The following FMN1 variants were observed in gnomAD, a reference collection of about 807,000 sequenced individuals.
The protein encoded by FMN1 is formin-1.
In FMN1, 110 loss-of-function variants were observed where a neutral mutation model predicts 132.4. The ratio of observed to expected loss-of-function variants is 0.83; its 90% CI spans 0.71 to 0.97. The LOEUF (loss-of-function observed/expected upper bound fraction) is 0.97, where lower values mean the gene tolerates loss of function less well. FMN1 is among the 50% of genes least tolerant of loss of function. The pLI is 0.00. For synonymous variants in FMN1, 722 were observed against 651.7 expected (o/e 1.11, Z -1.64); for missense variants, 1,792 against 1,705.3 (o/e 1.05, Z -0.90).
chr15:32,807,410 G>C (rs928171673), intron 17 of FMN1, among the ~76,000 whole-genome samples: 9 of 152,170 alleles, frequency 5.9e-5, no homozygotes, highest in South Asian at 4.1e-4. Context: ...AATGACCTGT[G>C]TCTCTCCTAG....
At chr15:33,023,182 A>G (rs1396976622) in intron 6 of FMN1, among the ~76,000 whole-genome samples, 2 of 151,648 alleles carry the variant, frequency 1.3e-5, no homozygotes, top group Non-Finnish European at 2.9e-5. Flanking sequence ...ACGCTATTAT[A>G]AGAGCGACTT....
chr15:32,850,079 C>T (rs903003061), intron 17 of FMN1, among the ~76,000 whole-genome samples: 2 of 152,194 alleles, frequency 1.3e-5, no homozygotes, highest in Non-Finnish European at 2.9e-5. Context: ...TCGGTATTTT[C>T]TTGAGTAGCA....
At chr15:33,107,048 T>C (rs2039514891) in intron 4 of FMN1, among the ~76,000 whole-genome samples, 2 of 152,092 alleles carry the variant, frequency 1.3e-5, no homozygotes, top group Non-Finnish European at 2.9e-5. Flanking sequence ...CCAAACTCTT[T>C]ATTTTCCTTC....
intron 8 of FMN1, among the ~76,000 whole-genome samples, chr15:32,966,934 G>A (rs1183781247): frequency 6.6e-6 from 1 of 152,130 alleles, no homozygotes; most frequent in African/African-American, 2.4e-5. Context: ...CAAAAAGTTG[G>A]AGGGACCCAT....
At chr15:33,188,431 C>T (rs1393585733) in intron 2 of FMN1, among the ~76,000 whole-genome samples, 1 of 152,090 alleles carries the variant, frequency 6.6e-6, no homozygotes, top group Non-Finnish European at 1.5e-5. Flanking sequence ...CCATGTCATA[C>T]CTTTCTATAC....
chr15:33,082,460 CT>C (rs983796047), intron 5 of FMN1, among the ~76,000 whole-genome samples: 1 of 152,130 alleles, frequency 6.6e-6, no homozygotes, highest in Admixed American at 6.6e-5. Flanking sequence ...GGCCATACCT[CT>C]TTTTAGGGTC....
intron 6 of FMN1, among the ~76,000 whole-genome samples, chr15:33,061,368 A>G (rs999264632): frequency 3.9e-5 from 6 of 152,148 alleles, no homozygotes; most frequent in African/African-American, 1.2e-4. Context: ...CATATCATGT[A>G]TTTATCTTTT....
intron 4 of FMN1, chr15:33,150,634 T>G: frequency 1.0e-6 from 1 of 985,484 alleles, no homozygotes. Flanking sequence ...TTTCACTGGT[T>G]CCTGGGAATT....
chr15:32,798,711 C>G (rs1460887751), intron 19 of FMN1, 93 bp downstream of exon 19: 1 of 1,138,450 alleles, frequency 8.8e-7, no homozygotes, highest in Admixed American at 3.0e-5. Context: ...AAGAAAACAT[C>G]GACAGGTGTG....
chr15:33,180,285 AT>A (rs1965650852), intron 2 of FMN1, 23 bp from the exon 3 acceptor site: 1 of 151,826 alleles, frequency 6.6e-6, no homozygotes, highest in African/African-American at 2.4e-5. Context: ...AAAAAAAAAA[AT>A]CAAGGCTCAC....
chr15:33,005,305 T>C (rs533777644), intron 7 of FMN1, among the ~76,000 whole-genome samples: 2 of 152,002 alleles, frequency 1.3e-5, no homozygotes, highest in Admixed American at 1.3e-4. Flanking sequence ...ATCATAAATG[T>C]GGGGCAACAA....
chr15:32,965,751 G>T (rs780217928), intron 8 of FMN1, among the ~76,000 whole-genome samples: 13 of 151,984 alleles, frequency 8.6e-5, no homozygotes, highest in Non-Finnish European at 1.8e-4. Context: ...TTTAAATTAT[G>T]ATTTCGCCAA....
At chr15:32,851,132 A>G (rs2058999885) in intron 17 of FMN1, among the ~76,000 whole-genome samples, 1 of 152,194 alleles carries the variant, frequency 6.6e-6, no homozygotes, top group African/African-American at 2.4e-5. Flanking sequence ...AACTTAGAAA[A>G]TAGTTTCATA....
intron 4 of FMN1, among the ~76,000 whole-genome samples, chr15:33,109,156 A>ACTTGG (rs2039600931): frequency 6.6e-6 from 1 of 152,164 alleles, no homozygotes; most frequent in African/African-American, 2.4e-5. Flanking sequence ...AAAGATGGAT[A>ACTTGG]CTTGGTTTAG....
At chr15:33,019,990 G>C (rs1027125828) in intron 6 of FMN1, among the ~76,000 whole-genome samples, 1 of 152,212 alleles carries the variant, frequency 6.6e-6, no homozygotes, top group Non-Finnish European at 1.5e-5. Context: ...AGGAGGCACC[G>C]AGAGCGAGCG....
At chr15:33,033,609 T>G (rs28676777) in intron 6 of FMN1, among the ~76,000 whole-genome samples, 40,956 of 151,740 alleles carry the variant, frequency 0.27, 5,765 homozygotes, top group Non-Finnish European at 0.31. Context: ...TTTTTCCACC[T>G]TAATTAAAAC....
chr15:33,151,367 TC>T (rs1382033397), intron 4 of FMN1: 8 of 1,536,688 alleles, frequency 5.2e-6, no homozygotes, highest in Non-Finnish European at 6.1e-6. Context: ...CTGCTGAAGA[TC>T]CCAATGGAAG....
chr15:32,813,537 T>C (rs182382249), intron 17 of FMN1, among the ~76,000 whole-genome samples: 5 of 152,226 alleles, frequency 3.3e-5, no homozygotes, highest in African/African-American at 1.2e-4. Flanking sequence ...AAGGATTTTG[T>C]TCATTCTTCT....
intron 7 of FMN1, among the ~76,000 whole-genome samples, chr15:33,006,391 A>C (rs1018442938): frequency 6.6e-6 from 1 of 152,208 alleles, no homozygotes; most frequent in African/African-American, 2.4e-5. Flanking sequence ...AAGACAAAAG[A>C]TTACAAGTAT....
Sources: allele counts gnomAD v4.1 joint callset (sites outside exome capture counted in the v4.1 genomes callset), GRCh38; gene constraint gnomAD v4.1.1; transcripts MANE v1.5; gene names NCBI Gene and HGNC (gene_info 2026-07-23, HGNC 2026-07-21).